Variants in PLVAP observed in about 807,000 individuals in gnomAD.
PLVAP encodes the protein plasmalemma vesicle-associated protein.
In PLVAP, 34 loss-of-function variants were observed where a neutral mutation model predicts 43.1. That is an observed-to-expected ratio of 0.79 (90% CI 0.60 to 1.05). The LOEUF (loss-of-function observed/expected upper bound fraction) is 1.05. Among genes scored for constraint, PLVAP ranks in the 50% least tolerant of loss-of-function variants. The pLI is 0.00. For synonymous variants in PLVAP, 241 were observed against 237.3 expected, an observed-to-expected ratio of 1.02 and a Z score of -0.14; for missense variants, 574 against 593.4, an observed-to-expected ratio of 0.97 and a Z score of 0.34.
chr19:17,359,569 C>G (rs1235004759), intron 5 of PLVAP, among the ~76,000 whole-genome samples: 3 of 151,698 alleles, frequency 2.0e-5, no homozygotes, highest in Non-Finnish European at 2.9e-5. Context: ...CCACGCCCAG[C>G]TACTTTTTGT....
chr19:17,377,004 C>T lies in PLVAP; in HGVS notation c.285G>A (p.Lys95=). 1 of 1,614,130 alleles carries T rather than the reference C, an allele frequency of 6.2e-7. No individual in the cohort carries two copies. ...TKELNFTTRA[K]DAIMQMWLNA... is the part of the protein sequence containing the mutation. ...TCAGCCACATCTGCATGATGGCATC[C>T]TTGGCGCGGGTGGTGAAGTTGAGCT... is the stretch of plus-strand genomic sequence containing the variant. Residue 95 remains lysine, a synonymous_variant, in exon 1 of 6, where the codon AAG becomes AAA. Coordinates refer to ENST00000252590, the MANE Select transcript of PLVAP (RefSeq NM_031310.3).
rs1280885279 is a variant in PLVAP at position 17,365,677 on chromosome 19, G to A, written c.788C>T (p.Ser263Leu). ...LGYNLYHPLG[S>L]ELASIRRACD... ...GGCTCTGCGGATGGAGGCCAATTCCGAGCCCAGGGGATGGTAGAGGTTGTA... is the reference window on the plus strand; with the variant it reads ...GGCTCTGCGGATGGAGGCCAATTCCAAGCCCAGGGGATGGTAGAGGTTGTA... Residue 263 changes from serine to leucine, a missense_variant, in exon 3 of 6, where the codon TCG (serine) becomes TTG (leucine). Ser to Leu is a moderately radical substitution (Grantham distance 145). Transcript: ENST00000252590. 12 of 1,613,714 alleles carry A rather than the reference G, an allele frequency of 7.4e-6. No homozygotes were observed. The highest frequency in any genetic ancestry group is 1.6e-4 in the Middle Eastern group (1 of 6,062).
chr19:17,370,359 A>C (rs1351258844), intron 1 of PLVAP, among the ~76,000 whole-genome samples: 1 of 152,228 alleles, frequency 6.6e-6, no homozygotes, highest in Non-Finnish European at 1.5e-5. Flanking sequence ...CAGCCGCTCG[A>C]TTCACAGTAG....
intron 1 of PLVAP, among the ~76,000 whole-genome samples, chr19:17,376,005 A>AC (rs1159311361): frequency 6.6e-6 from 1 of 151,340 alleles, no homozygotes; most frequent in African/African-American, 2.4e-5. Flanking sequence ...ACATAGCGAG[A>AC]CCCCACGTCT....
intron 5 of PLVAP, among the ~76,000 whole-genome samples, chr19:17,358,121 G>C (rs973730552): frequency 6.6e-6 from 1 of 152,164 alleles, no homozygotes; most frequent in African/African-American, 2.4e-5. Context: ...TTGGAGCGGG[G>C]AATCTCCTCC....
intron 5 of PLVAP, among the ~76,000 whole-genome samples, chr19:17,354,489 C>T (rs552755935): frequency 6.7e-6 from 1 of 150,350 alleles, no homozygotes; most frequent in African/African-American, 2.5e-5. Flanking sequence ...CCCAGCTACT[C>T]GGGAGGCTGA....
At chr19:17,367,151 C>T (rs965206857) in intron 1 of PLVAP, among the ~76,000 whole-genome samples, 4 of 151,386 alleles carry the variant, frequency 2.6e-5, no homozygotes, top group African/African-American at 9.7e-5. Flanking sequence ...TACCATGCTG[C>T]CGAGGCTGGT....
chr19:17,356,685 T>C (rs983708421), intron 5 of PLVAP, among the ~76,000 whole-genome samples: 1 of 150,178 alleles, frequency 6.7e-6, no homozygotes, highest in South Asian at 2.2e-4. Flanking sequence ...GTGGGTCGGG[T>C]GTGATGGCTC....
rs536774753 is a variant in PLVAP at position 17,364,117 on chromosome 19, G to A, written c.1179+1169C>T. On this transcript the variant is annotated intron_variant, in intron 3 of 5. Transcript: ENST00000252590. ...GTTTGTTTGTTTGAGATGGAGTCTC[G>A]CTCTGTCACCCAGGCTGGAGTGCAA... 3.2e-4 allele frequency among the ~76,000 whole-genome samples: 48 copies of A among 151,612 alleles called. No individual in the cohort carries two copies. In the South Asian group the frequency reaches 8.1e-3, roughly 26 times the overall value.
rs746597363 is a variant in PLVAP, at chr19:17,377,298, C to CCCG, written c.-13_-11dup. 19 of 1,600,662 alleles carry CCCG rather than the reference C, an allele frequency of 1.2e-5. No individual in the cohort carries two copies. The highest frequency in any genetic ancestry group is 1.6e-5 in the Non-Finnish European group (19 of 1,172,042). On this transcript the variant is annotated 5_prime_UTR_variant, in exon 1 of 6. Coordinates refer to ENST00000252590, the MANE Select transcript of PLVAP (RefSeq NM_031310.3). ...CCATGGCCAGACCCATTTGCTCGATCCCGCCGTCCGGTGCACCGTCCCTGC... is the reference window on the plus strand; with the variant it reads ...CCATGGCCAGACCCATTTGCTCGATCCCGCCGCCGTCCGGTGCACCGTCCCTGC...
intron 1 of PLVAP, among the ~76,000 whole-genome samples, chr19:17,375,696 A>G (rs938620187): frequency 2.6e-5 from 4 of 152,070 alleles, no homozygotes; most frequent in Admixed American, 2.6e-4. Context: ...AGCCTGGCAA[A>G]CATGGTGAAA....
intron 1 of PLVAP, among the ~76,000 whole-genome samples, chr19:17,370,831 C>A (rs539194687): frequency 6.6e-6 from 1 of 151,892 alleles, no homozygotes; most frequent in Non-Finnish European, 1.5e-5. Flanking sequence ...CCGAGGCGGG[C>A]GGATCACGAG....
chr19:17,360,286 C>T (rs552106674), intron 5 of PLVAP, among the ~76,000 whole-genome samples: 17 of 152,318 alleles, frequency 1.1e-4, no homozygotes, highest in African/African-American at 3.8e-4. Flanking sequence ...ATTGTAGGCT[C>T]TTTGGTAGTC....
At position 17,351,516 on chromosome 19, in the gene PLVAP, G is replaced by A. The variant is rs1165322502; in HGVS notation, c.*846C>T. Reference sequence around the variant, plus strand: ...TTCAACGGGCCACAGGCAGGGCTGGGAGTTGGGGGAGAAGGAGTGGCTCCC... The same window carrying A: ...TTCAACGGGCCACAGGCAGGGCTGGAAGTTGGGGGAGAAGGAGTGGCTCCC... On this transcript the variant is annotated 3_prime_UTR_variant, in exon 6 of 6. Transcript: ENST00000252590. 6.6e-6 allele frequency: 1 copy of A among 152,280 alleles called. No individual in the cohort carries two copies. The allele number at this position is 152,280 out of a possible 1,614,324, so 9.4% of individuals were successfully genotyped here. A position where few individuals can be genotyped will look rare whatever the true frequency, so the allele number is the denominator to read the frequency against.
intron 1 of PLVAP, among the ~76,000 whole-genome samples, chr19:17,369,389 T>C (rs1027996806): frequency 3.5e-5 from 5 of 141,866 alleles, no homozygotes; most frequent in Non-Finnish European, 6.1e-5. Context: ...TTTCGCCATG[T>C]TGGCCAGGCT....
intron 1 of PLVAP, among the ~76,000 whole-genome samples, chr19:17,373,729 G>C (rs1025627119): frequency 9.2e-5 from 14 of 152,192 alleles, no homozygotes; most frequent in Admixed American, 3.3e-4. Flanking sequence ...CACAAGCCGG[G>C]GTGCGAGAGT....
intron 1 of PLVAP, among the ~76,000 whole-genome samples, chr19:17,373,180 T>C (rs2145727236): frequency 6.8e-6 from 1 of 147,782 alleles, no homozygotes; most frequent in East Asian, 2.0e-4. Context: ...GGCAGGACCC[T>C]ATTGGGAGGG....
chr19:17,377,132 G>A lies in PLVAP; in HGVS notation c.157C>T (p.His53Tyr). Reference protein sequence around the residue: ...LVLFMVYGNVHVSTESNLQAT... With the variant: ...LVLFMVYGNVYVSTESNLQAT... Reference sequence around the variant, plus strand: ...TGCAGGTTGGACTCTGTGCTCACGTGCACGTTGCCATAGACCATGAAGAGC... The same window carrying A: ...TGCAGGTTGGACTCTGTGCTCACGTACACGTTGCCATAGACCATGAAGAGC... The change falls in exon 1 of 6, where the codon CAC becomes TAC. Residue 53 changes from histidine to tyrosine, a missense_variant. Physicochemically the swap from His to Tyr is moderately conservative, Grantham distance 83. Coordinates refer to ENST00000252590, the MANE Select transcript of PLVAP (RefSeq NM_031310.3). The A allele has an allele frequency of 6.2e-7, 1 of 1,614,168 alleles. No individual in the cohort carries two copies. Among genetic ancestry groups the A allele is most frequent in the Non-Finnish European group, 8.5e-7 (1 of 1,180,032 alleles).
chr19:17,373,061 GTC>G (rs1321948557), intron 1 of PLVAP, among the ~76,000 whole-genome samples: 1 of 67,550 alleles, frequency 1.5e-5, no homozygotes, highest in African/African-American at 6.2e-5. Context: ...GCTAGACTCT[GTC>G]TCAAAAAAAA....
Sources: gnomAD v4.1 joint callset for allele counts (sites outside exome capture counted in the v4.1 genomes callset) on GRCh38, gnomAD v4.1.1 for gene constraint, MANE v1.5 for transcripts, NCBI Gene and HGNC (gene_info 2026-07-23, HGNC 2026-07-21) for gene names.